CWF19L2: variants seen among roughly 807,000 people sequenced by gnomAD.
The protein encoded by CWF19L2 is CWF19 like cell cycle control factor 2, also known as CWF19-like protein 2.
In CWF19L2, 98 loss-of-function variants were observed where a neutral mutation model predicts 111.7. That is an observed-to-expected ratio of 0.88 (90% CI 0.75 to 1.04). The LOEUF is 1.04. Among genes scored for constraint, CWF19L2 ranks in the 50% least tolerant of loss-of-function variants. The probability of loss-of-function intolerance (pLI) is 0.00; values close to 1 mark genes in which losing one functional copy is unlikely to be tolerated. For missense variants in CWF19L2, 1,101 were observed against 1,051.4 expected (o/e 1.05, Z -0.65); for synonymous variants, 351 against 342.9 (o/e 1.02, Z -0.26).
intron 14 of CWF19L2, among the ~76,000 whole-genome samples, chr11:107,344,597 T>G: frequency 6.6e-6 from 1 of 152,330 alleles, no homozygotes; most frequent in Non-Finnish European, 1.5e-5. Context: ...TCATTCAAAT[T>G]GTACTTTCCT....
intron 14 of CWF19L2, among the ~76,000 whole-genome samples, chr11:107,347,294 G>A (rs1860094024): frequency 6.6e-6 from 1 of 152,006 alleles, no homozygotes. Context: ...AGTGGCTCCT[G>A]CATTGCAACA....
At chr11:107,348,734 A>G in intron 14 of CWF19L2, 1 of 313,828 alleles carries the variant, frequency 3.2e-6, no homozygotes. Flanking sequence ...CGTAGATAAA[A>G]GGTCTCAAAA....
In CWF19L2 at chr11:107,412,034, T is replaced by G. The variant is rs59370487; in HGVS notation, c.1617+4175A>C. On this transcript the variant is annotated intron_variant, in intron 10 of 17. Transcript: ENST00000282251. Reference sequence around the variant, plus strand: ...CTACAGTTGTCTGAAATGAACAGCATTTGATATAAAGAAATTTTTCTTACA... The same window carrying G: ...CTACAGTTGTCTGAAATGAACAGCAGTTGATATAAAGAAATTTTTCTTACA... Among the ~76,000 whole-genome samples the G allele has an allele frequency of 1.6e-3, 240 of 152,236 alleles. 1 individual carries two copies. Among genetic ancestry groups the G allele is most frequent in the South Asian group, 3.9e-3 (19 of 4,830 alleles).
intron 16 of CWF19L2, among the ~76,000 whole-genome samples, chr11:107,334,200 A>G (rs80118784): frequency 0.012 from 1,895 of 152,346 alleles, 23 homozygotes; most frequent in South Asian, 0.039. Flanking sequence ...TTTGTAGAAT[A>G]AACTACTTTT....
chr11:107,399,456 C>T (rs963813865), intron 10 of CWF19L2, among the ~76,000 whole-genome samples: 17 of 152,094 alleles, frequency 1.1e-4, no homozygotes, highest in Admixed American at 2.6e-4. Flanking sequence ...TTTAAAGCAA[C>T]GGCAGTTAAA....
At position 107,437,950 on chromosome 11, in the gene CWF19L2, T is replaced by C. The variant is rs1223044011; in HGVS notation, c.664+1140A>G. Among the ~76,000 whole-genome samples the C allele has an allele frequency of 2.0e-5, 3 of 152,292 alleles. No individual in the cohort carries two copies. The East Asian group carries it at 5.8e-4, about 29-fold the overall frequency. ...TGAAACAGTATTTCAAAGAGAACCT[T>C]GTATGACTATAGTTACTATTACATA... On this transcript the variant is annotated intron_variant, in intron 6 of 17. Coordinates refer to ENST00000282251, the MANE Select transcript of CWF19L2 (RefSeq NM_152434.3).
intron 17 of CWF19L2, 81 bp downstream of exon 17, chr11:107,329,837 G>C: frequency 9.4e-7 from 1 of 1,069,368 alleles, no homozygotes; most frequent in Non-Finnish European, 1.3e-6. Context: ...TGTATACTGT[G>C]CCCAAAGTTT....
chr11:107,362,152 G>C (rs146678310), intron 12 of CWF19L2, among the ~76,000 whole-genome samples: 2,337 of 152,146 alleles, frequency 0.015, 57 homozygotes, highest in African/African-American at 0.053. Context: ...ATTATATCCC[G>C]CACCTGGCTC....
chr11:107,402,873 G>GTGTGTGTATATATATATATATATATA (rs1247886311), intron 10 of CWF19L2, among the ~76,000 whole-genome samples: 6 of 94,456 alleles, frequency 6.4e-5, no homozygotes, highest in African/African-American at 2.9e-4. Context: ...ACTGTGGTGT[G>GTGTGTGTATATATATATATATATATA]TATATATATA....
At chr11:107,426,259 C>T (rs1285987339) in intron 8 of CWF19L2, among the ~76,000 whole-genome samples, 1 of 151,712 alleles carries the variant, frequency 6.6e-6, no homozygotes, top group Non-Finnish European at 1.5e-5. Flanking sequence ...TGGCAAACTT[C>T]ACTCATATTT....
intron 13 of CWF19L2, among the ~76,000 whole-genome samples, chr11:107,352,092 ACAGCTTATAGTTCC>A (rs1005562265): frequency 6.6e-6 from 1 of 152,156 alleles, no homozygotes. Flanking sequence ...CCCACTTAAG[ACAGCTTATAGTTCC>A]CAGAATGAAC....
intron 17 of CWF19L2, 71 bp from the exon 18 acceptor site, chr11:107,327,124 G>T: frequency 7.4e-7 from 1 of 1,357,016 alleles, no homozygotes; most frequent in Non-Finnish European, 9.9e-7. Context: ...AACTATTTCT[G>T]TTTATTCTGC....
intron 10 of CWF19L2, among the ~76,000 whole-genome samples, chr11:107,405,910 A>G (rs952156991): frequency 6.6e-6 from 1 of 152,136 alleles, no homozygotes; most frequent in Non-Finnish European, 1.5e-5. Flanking sequence ...CATAAAAGAA[A>G]GGCAATTATA....
rs1399058444 is a variant in CWF19L2 at position 107,375,448 on chromosome 11, G to C, written c.1872+14626C>G. 2.9e-5 allele frequency among the ~76,000 whole-genome samples: 4 copies of C among 138,892 alleles called. 1 individual carries two copies. The highest frequency in any genetic ancestry group is 6.2e-5 in the Non-Finnish European group (4 of 64,330). 91.1% of individuals were successfully genotyped at this position (138,892 alleles called of 152,430 possible). A position where few individuals can be genotyped will look rare whatever the true frequency, so the allele number is the denominator to read the frequency against. ...CTCAGACCACAGTGCAATCAAACTA[G>C]AACTCAGGATTAAGAATCTCACTCA... On this transcript the variant is annotated intron_variant, in intron 12 of 17. Transcript: ENST00000282251.
At chr11:107,442,883 A>AGGAAGGAC (rs1861650986) in intron 4 of CWF19L2, 56 bp downstream of exon 4, 2 of 927,606 alleles carry the variant, frequency 2.2e-6, no homozygotes, top group East Asian at 6.0e-5. Flanking sequence ...GGAGGGAGGG[A>AGGAAGGAC]GGAAGGAAGG....
intron 1 of CWF19L2, 77 bp downstream of exon 1, chr11:107,457,635 G>C: frequency 9.7e-7 from 1 of 1,025,842 alleles, no homozygotes; most frequent in Non-Finnish European, 1.5e-6. Context: ...GTAAGGGAAG[G>C]GGTGAGTGGG....
chr11:107,431,336 T>C (rs1460828143), intron 7 of CWF19L2, among the ~76,000 whole-genome samples: 3 of 151,896 alleles, frequency 2.0e-5, no homozygotes, highest in African/African-American at 7.2e-5. Context: ...CAGAAAACAT[T>C]TTTAAAATTC....
At chr11:107,456,036 A>T (rs79738605) in intron 1 of CWF19L2, among the ~76,000 whole-genome samples, 1 of 152,192 alleles carries the variant, frequency 6.6e-6, no homozygotes, top group Admixed American at 6.5e-5. Flanking sequence ...CCAGGGACTG[A>T]GTCCAGGCCC....
At chr11:107,442,877 G>A in intron 4 of CWF19L2, 62 bp downstream of exon 4, 2 of 961,360 alleles carry the variant, frequency 2.1e-6, no homozygotes, top group Non-Finnish European at 1.6e-6. Context: ...AAGGAGGGAG[G>A]GAGGGAGGAA....
Sources: allele counts gnomAD v4.1 joint callset (sites outside exome capture counted in the v4.1 genomes callset), GRCh38; gene constraint gnomAD v4.1.1; transcripts MANE v1.5; gene names NCBI Gene and HGNC (gene_info 2026-07-23, HGNC 2026-07-21).